Variants in CHADL observed in about 807,000 individuals in gnomAD.
The protein encoded by CHADL is chondroadherin-like protein.
A neutral mutation model predicts 52.1 loss-of-function variants in CHADL; 48 were observed. That is an observed-to-expected ratio of 0.92 (90% CI 0.73 to 1.17). The LOEUF is 1.17. CHADL is among the 50% of genes most tolerant of loss of function. The probability of loss-of-function intolerance (pLI) is 0.00; values close to 1 mark genes in which losing one functional copy is unlikely to be tolerated. For missense variants in CHADL, 977 were observed against 1,035.1 expected, an observed-to-expected ratio of 0.94 and a Z score of 0.77; for synonymous variants, 498 against 511.2, an observed-to-expected ratio of 0.97 and a Z score of 0.35.
chr22:41,230,307 C>T, intron 5 of CHADL: 1 of 1,246,850 alleles, frequency 8.0e-7, no homozygotes, highest in Non-Finnish European at 1.2e-6. Context: ...GTTTCTCTAC[C>T]ACCACCACCA....
intron 5 of CHADL, among the ~76,000 whole-genome samples, chr22:41,233,702 C>T (rs2032681861): frequency 6.6e-6 from 1 of 152,298 alleles, no homozygotes; most frequent in Admixed American, 6.5e-5. Context: ...GACCCCTAGC[C>T]TACAGAAGCT....
intron 5 of CHADL, among the ~76,000 whole-genome samples, chr22:41,232,164 C>T (rs978620929): frequency 2.0e-5 from 3 of 151,816 alleles, no homozygotes; most frequent in African/African-American, 7.3e-5. Context: ...AACCCTGTCT[C>T]TACTAAAAAT....
At chr22:41,240,712 G>T in intron 1 of CHADL, 162 bp downstream of exon 1, 1 of 749,112 alleles carries the variant, frequency 1.3e-6, no homozygotes, top group Non-Finnish European at 2.2e-6. Context: ...ATTGCCACGT[G>T]TCTCAGAGCC....
At chr22:41,230,079 G>GAC in intron 5 of CHADL, 1 of 532,754 alleles carries the variant, frequency 1.9e-6, no homozygotes, top group Non-Finnish European at 2.9e-6. Flanking sequence ...CAGCTCCTCC[G>GAC]CCCCCACCCC....
intron 5 of CHADL, chr22:41,230,089 C>CCCCCCCCCCCTTTTTT: frequency 1.1e-6 from 1 of 873,240 alleles, no homozygotes; most frequent in South Asian, 1.6e-5. Flanking sequence ...GCCCCCACCC[C>CCCCCCCCCCCTTTTTT]TCCCAGAGTT....
chr22:41,234,641 C>G (rs2032703068), intron 5 of CHADL, among the ~76,000 whole-genome samples: 1 of 151,936 alleles, frequency 6.6e-6, no homozygotes, highest in Admixed American at 6.6e-5. Context: ...GCAAGGTCCA[C>G]CTCCTGGGCT....
At chr22:41,239,016 C>A in intron 2 of CHADL, 131 bp from the exon 3 acceptor site, 1 of 1,243,368 alleles carries the variant, frequency 8.0e-7, no homozygotes, top group Non-Finnish European at 1.1e-6. Context: ...CCCCTGACAC[C>A]TCCTCCAGGA....
Position 41,234,364 on chromosome 22 carries a change from C to CATTATTATT in CHADL, c.2262+772_2262+780dup, listed in dbSNP as rs71200674. ...GAGGAGGGAAGAACGGGAGGATGGA[C>CATTATTATT]ATTATTATTATTATTATTATTATTA... On this transcript the variant is annotated intron_variant, in intron 5 of 5. Transcript: ENST00000216241. Among the ~76,000 whole-genome samples, 1,040 of 139,276 alleles carry CATTATTATT rather than the reference C, an allele frequency of 7.5e-3. 4 individuals are homozygous for CATTATTATT. Among genetic ancestry groups the CATTATTATT allele is most frequent in the Middle Eastern group, 0.015 (4 of 272 alleles). 91.4% of individuals were successfully genotyped at this position (139,276 alleles called of 152,430 possible). A position where few individuals can be genotyped will look rare whatever the true frequency, so the allele number is the denominator to read the frequency against.
Position 41,238,852 on chromosome 22 carries a change from G to A in CHADL, c.220C>T (p.Leu74=). The change falls in exon 3 of 6, where the codon CTG becomes TTG. Residue 74 remains leucine (L), a synonymous_variant. Transcript: ENST00000216241. The surrounding 1 kb of genome is among the most constrained non-coding windows in gnomAD (Gnocchi z 4.9). The part of the protein sequence containing the change: ...TQRLDLQGNL[L]KVIPAAAFQG... Reference sequence around the variant, plus strand: ...AAGGCGGCTGCGGGGATCACCTTCAGCAAATTGCCCTGCAGGTCCAGCCGC... The same window carrying A: ...AAGGCGGCTGCGGGGATCACCTTCAACAAATTGCCCTGCAGGTCCAGCCGC... The A allele has an allele frequency of 6.5e-7, 1 of 1,543,574 alleles. No individual in the cohort carries two copies. Among genetic ancestry groups the A allele is most frequent in the South Asian group, 1.2e-5 (1 of 83,834 alleles).
At chr22:41,230,295 G>C (rs1166239120) in intron 5 of CHADL, 2 of 1,440,200 alleles carry the variant, frequency 1.4e-6, no homozygotes, top group Admixed American at 1.7e-5. Context: ...AGCCAGCCCA[G>C]CGTTTCTCTA....
Position 41,236,580 on chromosome 22 carries a change from C to A in CHADL, c.1967G>T (p.Arg656Leu). The A allele has an allele frequency of 1.9e-6, 3 of 1,551,098 alleles. No homozygotes were observed. The highest frequency in any genetic ancestry group is 2.6e-6 in the Non-Finnish European group (3 of 1,146,902). The change falls in exon 4 of 6, where the codon CGG (arginine) becomes CTG (leucine). Residue 656 changes from arginine to leucine, a missense_variant. Transcript: ENST00000216241. Reference protein sequence around the residue: ...QSLHLQKNQLRALPALPSLSQ... With the variant: ...QSLHLQKNQLLALPALPSLSQ... ...GAGACTGGGCAGGGCAGGCAGGGCC[C>A]GAAGCTGGTTCTTCTGCAGGTGCAG...
chr22:41,238,538 G>C lies in CHADL; in HGVS notation c.534C>G (p.Phe178Leu), dbSNP rs1438604046. 1.3e-6 allele frequency: 2 copies of C among 1,545,358 alleles called. No individual in the cohort carries two copies. The highest frequency in any genetic ancestry group is 1.7e-6 in the Non-Finnish European group (2 of 1,146,074). The change falls in exon 3 of 6, where the codon TTC becomes TTG. Residue 178 changes from phenylalanine to leucine, a missense_variant. By Grantham distance (22) the Phe-to-Leu change is conservative (BLOSUM62 0). Transcript: ENST00000216241. The surrounding 1 kb of genome is among the most constrained non-coding windows in gnomAD (Gnocchi z 4.9). ...GCCAGCGGACGCGCAGTAGCCCCTG[G>C]AAGGCCATGGCGGGCAGGTAAACCA... is the stretch of plus-strand genomic sequence containing the variant. ...NALVYLPAMA[F>L]QGLLRVRWLR...
At chr22:41,233,025 G>C (rs1288259030) in intron 5 of CHADL, among the ~76,000 whole-genome samples, 1 of 152,060 alleles carries the variant, frequency 6.6e-6, no homozygotes, top group African/African-American at 2.4e-5. Context: ...AGACTGACTT[G>C]TGCCCATCCC....
rs9619954 is a variant in CHADL at position 41,235,246 on chromosome 22, C to T, written c.2161G>A (p.Asp721Asn). Residue 721 changes from aspartate (D) to asparagine (N), a missense_variant, in exon 5 of 6, where the codon GAC becomes AAC. Physicochemically the swap from Asp to Asn is conservative, Grantham distance 23. Transcript: ENST00000216241. ...RVKAAAAVFE[D>N]CPGWAARKAK... ...TTTCTGGCAGCCCAGCCCGGGCAGT[C>T]TTCAAAGACAGCAGCTGCAGCCTTC... 0.017 allele frequency: 25,705 copies of T among 1,551,414 alleles called. 1,976 individuals carry two copies. In the African/African-American group the frequency reaches 0.21, roughly 12 times the overall value.
rs1320472399 is a variant in CHADL, at chr22:41,238,339, CG to C, written c.732del (p.Tyr244Ter). The C allele has an allele frequency of 6.6e-7, 1 of 1,512,792 alleles. No individual in the cohort carries two copies. Among genetic ancestry groups the C allele is most frequent in the Admixed American group, 2.2e-5 (1 of 46,126 alleles). The allele number at this position is 1,512,792 out of a possible 1,614,324, so 93.7% of individuals were successfully genotyped here. ...AGCGCCAGCCCGTCCTCCTCGCCCG[CG>C]TAGGTGAGCGGGTTGTGGCCCAGCT... is the stretch of plus-strand genomic sequence containing the variant. ...RLELGHNPLT[Y>X]AGEEDGLALP... On this transcript the variant is annotated frameshift_variant, in exon 3 of 6. Transcript: ENST00000216241. LOFTEE classifies it high-confidence loss of function. This position sits in a 1 kb window ranked among gnomAD's most constrained non-coding sequence, Gnocchi z 4.9.
Position 41,237,253 on chromosome 22 carries a change from C to T in CHADL, c.1819G>A (p.Ala607Thr). ...GGCTGGAAGGCTCCGTCACGCAAGGCCCTGAGTGGGTTGCCCGAGAGCTGC... is the reference window on the plus strand; with the variant it reads ...GGCTGGAAGGCTCCGTCACGCAAGGTCCTGAGTGGGTTGCCCGAGAGCTGC... ...ELQLSGNPLR[A>T]LRDGAFQPVG... Residue 607 changes from alanine to threonine, a missense_variant, in exon 3 of 6, where the codon GCC becomes ACC. Ala to Thr is a moderately conservative substitution (Grantham distance 58, BLOSUM62 0). Coordinates refer to ENST00000216241, the MANE Select transcript of CHADL (RefSeq NM_138481.2). 1 of 1,550,564 alleles carries T rather than the reference C, an allele frequency of 6.4e-7. No individual in the cohort carries two copies.
chr22:41,235,194 G>A lies in CHADL; in HGVS notation c.2213C>T (p.Pro738Leu). The A allele has an allele frequency of 6.4e-7, 1 of 1,551,550 alleles. No homozygotes were observed. Among genetic ancestry groups the A allele is most frequent in the South Asian group, 1.2e-5 (1 of 84,064 alleles). ...TTTGATGGGGGTTCTCCTGGCACTG[G>A]GCCTGGAGGCTGGTGTCCGCTTGGC... ...RKAKRTPASR[P>L]SARRTPIKGR... The change falls in exon 5 of 6, where the codon CCC (proline) becomes CTC (leucine). Residue 738 changes from proline (P) to leucine (L), a missense_variant. Physicochemically the swap from Pro to Leu is moderately conservative, Grantham distance 98. Transcript: ENST00000216241.
At position 41,238,518 on chromosome 22, in the gene CHADL, C is replaced by T. The variant is rs1204541289; in HGVS notation, c.554G>A (p.Arg185His). ...AMAFQGLLRV[R>H]WLRLSHNALS... Reference sequence around the variant, plus strand: ...CGCGTTGTGCGACAGCCGCAGCCAGCGGACGCGCAGTAGCCCCTGGAAGGC... The same window carrying T: ...CGCGTTGTGCGACAGCCGCAGCCAGTGGACGCGCAGTAGCCCCTGGAAGGC... Residue 185 changes from arginine (R) to histidine (H), a missense_variant, in exon 3 of 6, where the codon CGC becomes CAC. Transcript: ENST00000216241. This position sits in a 1 kb window ranked among gnomAD's most constrained non-coding sequence, Gnocchi z 4.9. 3 of 1,542,564 alleles carry T rather than the reference C, an allele frequency of 1.9e-6. No individual in the cohort carries two copies. The highest frequency in any genetic ancestry group is 3.9e-5 in the Admixed American group (2 of 50,790).
intron 5 of CHADL, chr22:41,230,309 C>T (rs2032514613): frequency 8.0e-7 from 1 of 1,245,154 alleles, no homozygotes; most frequent in Non-Finnish European, 1.2e-6. Flanking sequence ...TTCTCTACCA[C>T]CACCACCATG....
Sources: allele counts gnomAD v4.1 joint callset (sites outside exome capture counted in the v4.1 genomes callset), GRCh38; gene constraint gnomAD v4.1.1; non-coding constraint Gnocchi (gnomAD v3.1); transcripts MANE v1.5; gene names NCBI Gene and HGNC (gene_info 2026-07-23, HGNC 2026-07-21).